Variants in SGCD observed in about 807,000 individuals in gnomAD.
SGCD encodes the protein delta-sarcoglycan.
SGCD carries 18 observed loss-of-function variants against 36.6 expected under a neutral mutation model. The observed-to-expected ratio is 0.49, with a 90% CI of 0.34 to 0.73. SGCD has a LOEUF of 0.73. Among genes scored for constraint, SGCD ranks in the 30% least tolerant of loss-of-function variants. The pLI, the probability that SGCD is intolerant of heterozygous loss-of-function variation, is 0.01. For missense variants in SGCD, 387 were observed against 346.7 expected (o/e 1.12, Z -0.92); for synonymous variants, 133 against 130.6 (o/e 1.02, Z -0.12).
intron 4 of SGCD, among the ~76,000 whole-genome samples, chr5:156,564,641 C>T (rs982650723): frequency 6.6e-6 from 1 of 152,068 alleles, no homozygotes; most frequent in African/African-American, 2.4e-5. Context: ...TAAAAAATAA[C>T]TCCCCATTCC....
chr5:156,344,810 A>G (rs1411542745), intron 3 of SGCD, 133 bp downstream of exon 3: 2 of 634,032 alleles, frequency 3.2e-6, no homozygotes, highest in Non-Finnish European at 5.3e-6. Flanking sequence ...GTTTTGGTGA[A>G]AGAGCATTTC....
At chr5:155,734,529 A>G in the SGCD span, among the ~76,000 whole-genome samples, 735 of 152,290 alleles carry the variant, frequency 4.8e-3, 4 homozygotes, top group African/African-American at 0.017. Flanking sequence ...TCTAAGTAGC[A>G]GACTGACAGA....
chr5:156,727,222 T>C (rs1032269408), intron 7 of SGCD, among the ~76,000 whole-genome samples: 2 of 152,152 alleles, frequency 1.3e-5, no homozygotes, highest in Non-Finnish European at 2.9e-5. Flanking sequence ...AGGGAGATCC[T>C]GACTCAACTG....
At chr5:156,190,691 A>G (rs1022205386) in intron 3 of SGCD, among the ~76,000 whole-genome samples, 1 of 152,140 alleles carries the variant, frequency 6.6e-6, no homozygotes, top group African/African-American at 2.4e-5. Flanking sequence ...AGTAAGTTGT[A>G]TATTATATTA....
Position 156,311,673 on chromosome 5 carries a change from G to A in SGCD, c.-43-17861G>A, listed in dbSNP as rs142002989. On this transcript the variant is annotated intron_variant, in intron 3 of 9. Transcript: ENST00000517913. ...GCTCCATTACCCTCCTCTACCAGCA[G>A]AGTTCTAATCATATTGGGTTTCTGT... Among the ~76,000 whole-genome samples the A allele has an allele frequency of 6.8e-4, 103 of 152,232 alleles. 1 individual carries two copies. Among genetic ancestry groups the A allele is most frequent in the African/African-American group, 2.4e-3 (100 of 41,560 alleles).
rs1173159437 is a variant in SGCD at position 156,377,486 on chromosome 5, C to A, written c.192+32809C>A. 3.3e-5 allele frequency among the ~76,000 whole-genome samples: 5 copies of A among 152,224 alleles called. No individual in the cohort carries two copies. In the East Asian group the frequency reaches 5.8e-4, roughly 18 times the overall value. On this transcript the variant is annotated intron_variant, in intron 3 of 8. Coordinates refer to ENST00000337851, the MANE Select transcript of SGCD (RefSeq NM_000337.6). ...TTTGTTATAATTTATGTAATATATGCCTTTATTCTCTAAATAATGTTAAGC... is the reference window on the plus strand; with the variant it reads ...TTTGTTATAATTTATGTAATATATGACTTTATTCTCTAAATAATGTTAAGC...
At chr5:155,971,600 C>T (rs1258670749) in intron 1 of SGCD, among the ~76,000 whole-genome samples, 1 of 152,042 alleles carries the variant, frequency 6.6e-6, no homozygotes, top group East Asian at 1.9e-4. Context: ...AATCCAGAGA[C>T]CACAAACCTG....
intron 1 of SGCD, among the ~76,000 whole-genome samples, chr5:156,016,839 G>T (rs1758991304): frequency 6.6e-6 from 1 of 152,090 alleles, no homozygotes. Flanking sequence ...CTTTGCAATT[G>T]TCTATGATGT....
chr5:156,477,997 T>C (rs1372578900), intron 3 of SGCD, among the ~76,000 whole-genome samples: 1 of 150,092 alleles, frequency 6.7e-6, no homozygotes, highest in African/African-American at 2.5e-5. Flanking sequence ...ATGGAAGGAG[T>C]GGGGAGGGGA....
intron 3 of SGCD, among the ~76,000 whole-genome samples, chr5:156,452,808 G>A (rs898376243): frequency 3.9e-5 from 6 of 152,124 alleles, no homozygotes; most frequent in African/African-American, 1.4e-4. Flanking sequence ...AAAATGAAAG[G>A]TAATGTAGAT....
chr5:156,215,730 G>C (rs868256019), intron 3 of SGCD, among the ~76,000 whole-genome samples: 3 of 152,066 alleles, frequency 2.0e-5, no homozygotes, highest in Admixed American at 2.0e-4. Flanking sequence ...ACACATGGTG[G>C]GAATAAAATA....
At position 155,891,558 on chromosome 5, in the gene SGCD, C is replaced by CTTTTTTTTTTTTTTTTTTTTTTTTTTTTT. The variant is rs372399423; in HGVS notation, c.-282+21153_-282+21154insTTTTTTTTTTTTTTTTTTTTTTTTTTTTT. 2.0e-4 allele frequency among the ~76,000 whole-genome samples: 12 copies of CTTTTTTTTTTTTTTTTTTTTTTTTTTTTT among 60,772 alleles called. 4 individuals carry two copies. Among genetic ancestry groups the CTTTTTTTTTTTTTTTTTTTTTTTTTTTTT allele is most frequent in the Middle Eastern group, 0.013 (1 of 76 alleles). The allele number at this position is 60,772 out of a possible 152,430, so 39.9% of individuals were successfully genotyped here. A position where few individuals can be genotyped will look rare whatever the true frequency, so the allele number is the denominator to read the frequency against. On this transcript the variant is annotated intron_variant, in intron 1 of 9. Coordinates refer to the SGCD transcript ENST00000517913. ...CAAATTCCAGAGAAAAATAAATACT[C>CTTTTTTTTTTTTTTTTTTTTTTTTTTTTT]TTTTTTTTTTTTTTTTTTTGGTGAC...
chr5:156,621,993 A>G (rs149345298), intron 6 of SGCD, among the ~76,000 whole-genome samples: 104 of 152,350 alleles, frequency 6.8e-4, no homozygotes, highest in Middle Eastern at 6.8e-3. Context: ...GGGTGGAAGT[A>G]AGCTCTAAAC....
chr5:156,100,925 C>A (rs781773275), intron 1 of SGCD, among the ~76,000 whole-genome samples: 32 of 152,254 alleles, frequency 2.1e-4, no homozygotes, highest in Admixed American at 4.6e-4. Flanking sequence ...GTTTATTTGT[C>A]AAAGCCTAAA....
intron 3 of SGCD, among the ~76,000 whole-genome samples, chr5:156,188,619 C>A (rs1045257579): frequency 1.3e-5 from 2 of 151,760 alleles, no homozygotes; most frequent in Non-Finnish European, 2.9e-5. Flanking sequence ...CAAAATATGG[C>A]ACTTTGACAT....
chr5:156,327,146 C>G (rs1031470866), upstream of SGCD: 1 of 152,134 alleles, frequency 6.6e-6, no homozygotes, highest in Admixed American at 6.5e-5. Flanking sequence ...CTCAGCGGGC[C>G]GAGTGGCCAC....
intron 7 of SGCD, among the ~76,000 whole-genome samples, chr5:156,716,447 GAC>G (rs1235911971): frequency 1.3e-5 from 2 of 152,184 alleles, no homozygotes; most frequent in Non-Finnish European, 2.9e-5. Flanking sequence ...ATGTGATGGA[GAC>G]ACAGCCCTGT....
In SGCD at chr5:156,401,419, T is replaced by C. The variant is rs1013962712; in HGVS notation, c.192+56742T>C. ...CATTCAACAAGGTAGGTAGAGTCTGTACTATTTCATCTTGTTCTTTCATTG... is the reference window on the plus strand; with the variant it reads ...CATTCAACAAGGTAGGTAGAGTCTGCACTATTTCATCTTGTTCTTTCATTG... On this transcript the variant is annotated intron_variant, in intron 3 of 8. Coordinates refer to ENST00000337851, the MANE Select transcript of SGCD (RefSeq NM_000337.6). 7.6e-4 allele frequency among the ~76,000 whole-genome samples: 116 copies of C among 152,356 alleles called. 1 individual carries two copies. The highest frequency in any genetic ancestry group is 2.7e-3 in the African/African-American group (114 of 41,586).
At chr5:156,245,728 C>G (rs1371216079) in intron 3 of SGCD, among the ~76,000 whole-genome samples, 2 of 151,744 alleles carry the variant, frequency 1.3e-5, no homozygotes, top group East Asian at 3.9e-4. Flanking sequence ...CAACCAAAGT[C>G]CAGAATGGAG....
Sources: allele counts gnomAD v4.1 joint callset (sites outside exome capture counted in the v4.1 genomes callset), GRCh38; gene constraint gnomAD v4.1.1; transcripts MANE v1.5; gene names NCBI Gene and HGNC (gene_info 2026-07-23, HGNC 2026-07-21).